CNNM2: variants seen among roughly 807,000 people sequenced by gnomAD.
CNNM2 encodes the protein cyclin and CBS domain divalent metal cation transport mediator 2.
CNNM2 carries 12 observed loss-of-function variants against 66.9 expected under a neutral mutation model. The ratio of observed to expected loss-of-function variants is 0.18; its 90% confidence interval spans 0.11 to 0.29. The LOEUF is 0.29. Ranked by LOEUF, CNNM2 falls within the 10% of genes least tolerant of loss-of-function variation. CNNM2 has a pLI of 1.00. For synonymous variants in CNNM2, 557 were observed against 501.8 expected (o/e 1.11, Z -1.47); for missense variants, 705 against 1,167.7 (o/e 0.60, Z 5.77).
intron 1 of CNNM2, among the ~76,000 whole-genome samples, chr10:103,047,170 C>T (rs2065140346): frequency 6.6e-6 from 1 of 152,150 alleles, no homozygotes; most frequent in Admixed American, 6.5e-5. Context: ...AATGGAGAAA[C>T]CTGGGAAACA....
At chr10:102,983,318 C>CT (rs2063745599) in intron 1 of CNNM2, among the ~76,000 whole-genome samples, 1 of 147,656 alleles carries the variant, frequency 6.8e-6, no homozygotes, top group Non-Finnish European at 1.5e-5. Context: ...GCCTAGCTGT[C>CT]TTTAAAATAT....
intron 1 of CNNM2, among the ~76,000 whole-genome samples, chr10:102,957,137 A>G (rs973923502): frequency 2.6e-5 from 4 of 151,992 alleles, no homozygotes; most frequent in African/African-American, 9.7e-5. Flanking sequence ...CCCCGTCTCT[A>G]CTAAAAATAC....
At chr10:102,973,110 T>G (rs1422683319) in intron 1 of CNNM2, among the ~76,000 whole-genome samples, 2 of 152,086 alleles carry the variant, frequency 1.3e-5, no homozygotes, top group East Asian at 1.9e-4. Context: ...TATCTTTCAT[T>G]TTTGTATCTA....
chr10:103,056,619 T>A (rs1002530192), intron 3 of CNNM2, among the ~76,000 whole-genome samples, 176 bp from the exon 4 acceptor site: 4 of 152,244 alleles, frequency 2.6e-5, no homozygotes, highest in Non-Finnish European at 5.9e-5. Flanking sequence ...ATTCAGCACT[T>A]TCTAATTTCT....
At chr10:102,930,765 A>T (rs1284083678) in intron 1 of CNNM2, among the ~76,000 whole-genome samples, 1 of 152,164 alleles carries the variant, frequency 6.6e-6, no homozygotes, top group Non-Finnish European at 1.5e-5. Context: ...GGATTAGCTT[A>T]TTCTGGACAT....
At chr10:103,029,753 C>T in intron 1 of CNNM2, among the ~76,000 whole-genome samples, 1 of 151,872 alleles carries the variant, frequency 6.6e-6, no homozygotes, top group African/African-American at 2.4e-5. Context: ...GTAGTCCCAG[C>T]TACTAGGGAG....
chr10:102,923,026 T>A (rs1163563), intron 1 of CNNM2, among the ~76,000 whole-genome samples: 63 of 152,146 alleles, frequency 4.1e-4, no homozygotes, highest in African/African-American at 1.5e-3. Context: ...TGTAGAGAAT[T>A]AGTCTGAGTT....
chr10:103,039,642 G>A (rs1032853655), intron 1 of CNNM2, among the ~76,000 whole-genome samples: 1 of 152,230 alleles, frequency 6.6e-6, no homozygotes, highest in Admixed American at 6.5e-5. Flanking sequence ...GAGTAATGTG[G>A]GTATAGAGTC....
At chr10:103,075,992 T>C (rs1178192660) in intron 6 of CNNM2, 94 bp from the exon 7 acceptor site, 1 of 1,163,762 alleles carries the variant, frequency 8.6e-7, no homozygotes, top group Non-Finnish European at 1.2e-6. Context: ...GCTGGGCTTG[T>C]GTGGCATTTA....
chr10:102,981,610 T>G (rs1025185207), intron 1 of CNNM2, among the ~76,000 whole-genome samples: 6 of 151,722 alleles, frequency 4.0e-5, no homozygotes, highest in Non-Finnish European at 8.8e-5. Flanking sequence ...CCAGGCTGGT[T>G]TTGAACTCCT....
At chr10:102,967,655 C>G (rs2063485653) in intron 1 of CNNM2, among the ~76,000 whole-genome samples, 1 of 152,228 alleles carries the variant, frequency 6.6e-6, no homozygotes, top group Non-Finnish European at 1.5e-5. Context: ...ATACCACATT[C>G]TGTTACCCAT....
chr10:103,045,071 A>G (rs1357571767), intron 1 of CNNM2, among the ~76,000 whole-genome samples: 1 of 152,154 alleles, frequency 6.6e-6, no homozygotes, highest in Non-Finnish European at 1.5e-5. Flanking sequence ...ATTCCTTTTA[A>G]ATGATCACAA....
At chr10:103,075,035 G>T (rs1008365063) in intron 6 of CNNM2, among the ~76,000 whole-genome samples, 6 of 152,140 alleles carry the variant, frequency 3.9e-5, no homozygotes, top group Non-Finnish European at 8.8e-5. Context: ...GAAAGAAAAG[G>T]TACTAAAGCT....
At chr10:102,973,519 T>TGTG (rs1491384853) in intron 1 of CNNM2, among the ~76,000 whole-genome samples, 6 of 99,554 alleles carry the variant, frequency 6.0e-5, no homozygotes, top group Admixed American at 2.1e-4. Context: ...TGTGTGTGTG[T>TGTG]TTTTTTTTTT....
At chr10:102,986,811 G>T (rs1267869546) in intron 1 of CNNM2, among the ~76,000 whole-genome samples, 2 of 150,730 alleles carry the variant, frequency 1.3e-5, no homozygotes, top group African/African-American at 4.9e-5. Context: ...TTATCCTCCA[G>T]ATCGTAGAAT....
chr10:103,085,750 T>C lies in CNNM2; in HGVS notation c.*8570T>C, dbSNP rs987395379. 1 of 152,086 alleles carries C rather than the reference T, an allele frequency of 6.6e-6. No homozygotes were observed. 9.4% of individuals were successfully genotyped at this position (152,086 alleles called of 1,614,324 possible). ...TGAAATGTTTGTGTTCAATGGGGAGTACTTTTTTGTGTTAAAGCTCTACAG... is the reference window on the plus strand; with the variant it reads ...TGAAATGTTTGTGTTCAATGGGGAGCACTTTTTTGTGTTAAAGCTCTACAG... On this transcript the variant is annotated 3_prime_UTR_variant, in exon 8 of 8. Coordinates refer to ENST00000369878, the MANE Select transcript of CNNM2 (RefSeq NM_017649.5).
At chr10:103,035,114 G>C (rs2064911240) in intron 1 of CNNM2, among the ~76,000 whole-genome samples, 1 of 152,042 alleles carries the variant, frequency 6.6e-6, no homozygotes, top group Non-Finnish European at 1.5e-5. Context: ...GTGGGACCGT[G>C]TCTTGAAAAA....
chr10:103,023,192 A>C (rs913781080), intron 1 of CNNM2, among the ~76,000 whole-genome samples: 1 of 152,218 alleles, frequency 6.6e-6, no homozygotes, highest in African/African-American at 2.4e-5. Context: ...GGCATAAGCC[A>C]CCATGCCCAG....
chr10:103,000,445 T>C (rs1279103073), intron 1 of CNNM2, among the ~76,000 whole-genome samples: 1 of 151,744 alleles, frequency 6.6e-6, no homozygotes, highest in African/African-American at 2.4e-5. Context: ...GTGTGTGTTT[T>C]ATTTTATTTT....
Sources: gnomAD v4.1 joint callset for allele counts (sites outside exome capture counted in the v4.1 genomes callset) on GRCh38, gnomAD v4.1.1 for gene constraint, MANE v1.5 for transcripts, NCBI Gene and HGNC (gene_info 2026-07-23, HGNC 2026-07-21) for gene names.